The following RUFY2 variants were observed in gnomAD, a reference collection of about 807,000 sequenced individuals.
RUFY2 encodes RUN and FYVE domain-containing protein 2.
A neutral mutation model predicts 94.4 loss-of-function variants in RUFY2; 49 were observed. That is an observed-to-expected ratio of 0.52 (90% CI 0.41 to 0.66). The LOEUF is 0.66. Ranked by LOEUF, RUFY2 falls within the 30% of genes least tolerant of loss-of-function variation. RUFY2 has a pLI of 0.00. For synonymous variants in RUFY2, 255 were observed against 235.7 expected (o/e 1.08, Z -0.75); for missense variants, 541 against 692.8 (o/e 0.78, Z 2.46).
intron 13 of RUFY2, among the ~76,000 whole-genome samples, chr10:68,374,783 ATTG>A (rs1230909470): frequency 6.6e-6 from 1 of 151,874 alleles, no homozygotes; most frequent in Non-Finnish European, 1.5e-5. Flanking sequence ...GTTTGTTCTT[ATTG>A]TTGTTTTCTT....
intron 4 of RUFY2, among the ~76,000 whole-genome samples, 192 bp downstream of exon 4, chr10:68,396,588 T>C (rs1037979204): frequency 7.2e-5 from 11 of 152,202 alleles, no homozygotes; most frequent in South Asian, 4.1e-4. Context: ...CTTATGGTAT[T>C]CATATGTAAG....
chr10:68,341,958 C>T, downstream of RUFY2: 1 of 1,612,356 alleles, frequency 6.2e-7, no homozygotes, highest in South Asian at 1.1e-5. Flanking sequence ...CTGAGTGATT[C>T]TTAATATCTT....
intron 3 of RUFY2, among the ~76,000 whole-genome samples, chr10:68,398,515 A>G (rs1484872035): frequency 6.6e-6 from 1 of 152,004 alleles, no homozygotes; most frequent in Non-Finnish European, 1.5e-5. Flanking sequence ...AGCCAGGCAC[A>G]GTGGCATGAG....
chr10:68,400,713 A>G lies in RUFY2; in HGVS notation c.296+907T>C, dbSNP rs1156535121. Among the ~76,000 whole-genome samples the G allele has an allele frequency of 2.8e-5, 3 of 105,868 alleles. No individual in the cohort carries two copies. In the Admixed American group the frequency reaches 3.3e-4, roughly 12 times the overall value. The allele number at this position is 105,868 out of a possible 152,430, so 69.5% of individuals were successfully genotyped here. On this transcript the variant is annotated intron_variant, in intron 3 of 17. Transcript: ENST00000602465. ...GAAAATAAAAATTAAAAAGAAAACTAAAAAAAAAAAGAATATAGGCTTGGC... is the reference window on the plus strand; with the variant it reads ...GAAAATAAAAATTAAAAAGAAAACTGAAAAAAAAAAGAATATAGGCTTGGC...
Position 68,345,777 on chromosome 10 carries a change from G to C in RUFY2, c.1812C>G (p.Asn604Lys). 1.2e-6 allele frequency: 2 copies of C among 1,612,558 alleles called. No individual in the cohort carries two copies. The highest frequency in any genetic ancestry group is 1.7e-6 in the Non-Finnish European group (2 of 1,179,216). Residue 604 changes from asparagine (N) to lysine (K), a missense_variant, in exon 18 of 18, where the codon AAC becomes AAG. Around this residue, in one of 3 missense-constraint regions of RUFY2, gnomAD observed 403 missense variants for 480.7 expected, o/e 0.84. Coordinates refer to ENST00000602465, the MANE Select transcript of RUFY2 (RefSeq NM_001330103.2). The stretch of plus-strand genomic sequence containing the variant: ...ATTTAGTTCTGGAGTCTCAGGGCAA[G>C]TTAGATGAGCATCTCTGAATGAGCA... ...HALLIQRCSSNLP is the reference protein window; with the variant it reads ...HALLIQRCSSKLP
chr10:68,400,170 G>T (rs1341070863), intron 3 of RUFY2, among the ~76,000 whole-genome samples: 1 of 152,066 alleles, frequency 6.6e-6, no homozygotes, highest in Non-Finnish European at 1.5e-5. Context: ...AAATTAGCCA[G>T]GTATGGATGG....
downstream of RUFY2, chr10:68,343,268 T>C (rs2046078149): frequency 6.6e-6 from 1 of 152,248 alleles, no homozygotes. Context: ...TGGTACTACA[T>C]ACGATGTCTA....
chr10:68,370,159 C>A (rs1278103055), intron 13 of RUFY2, among the ~76,000 whole-genome samples: 10 of 152,008 alleles, frequency 6.6e-5, no homozygotes. Context: ...GTGGTAAGTG[C>A]CTGTAATCCC....
chr10:68,386,003 T>A, intron 8 of RUFY2, 56 bp downstream of exon 8: 2 of 1,182,542 alleles, frequency 1.7e-6, no homozygotes, highest in Non-Finnish European at 2.5e-6. Context: ...ATACTTAAAA[T>A]GGAAAAGGAT....
At chr10:68,356,738 C>T (rs936923223) in intron 15 of RUFY2, among the ~76,000 whole-genome samples, 3 of 151,454 alleles carry the variant, frequency 2.0e-5, no homozygotes, top group Admixed American at 6.6e-5. Flanking sequence ...TAGTAGAGAC[C>T]GGGTTTCACC....
intron 8 of RUFY2, among the ~76,000 whole-genome samples, chr10:68,384,685 T>C (rs1024331838): frequency 1.3e-5 from 2 of 152,076 alleles, no homozygotes; most frequent in Non-Finnish European, 2.9e-5. Flanking sequence ...TCACCATGAG[T>C]TAAACATGAA....
chr10:68,394,568 TAGGTGCC>T lies in RUFY2; in HGVS notation c.399-124_399-118del, dbSNP rs2050238383. The stretch of plus-strand genomic sequence containing the variant: ...TTACAGAAATGGAAGCCATCTCAGT[TAGGTGCC>T]TTCAAATTAGCCTTTATACGTGTGA... On this transcript the variant is annotated intron_variant, in intron 4 of 17. Transcript: ENST00000602465. 6 of 630,890 alleles carry T rather than the reference TAGGTGCC, an allele frequency of 9.5e-6. No homozygotes were observed. The South Asian group carries it at 1.1e-4, about 12-fold the overall frequency. 39.1% of individuals were successfully genotyped at this position (630,890 alleles called of 1,614,324 possible).
intron 12 of RUFY2, chr10:68,379,194 G>T: frequency 2.5e-6 from 1 of 401,286 alleles, no homozygotes; most frequent in Non-Finnish European, 4.4e-6. Flanking sequence ...GCTGATATTA[G>T]GCCTCTAAGA....
At chr10:68,346,371 G>A (rs1298124166) in intron 16 of RUFY2, 6 of 294,918 alleles carry the variant, frequency 2.0e-5, no homozygotes, top group Non-Finnish European at 3.8e-5. Context: ...TGAGAGGATC[G>A]CCTGAGGCCT....
At chr10:68,394,048 A>G (rs1307529527) in intron 6 of RUFY2, 27 bp downstream of exon 6, 1 of 1,490,396 alleles carries the variant, frequency 6.7e-7, no homozygotes. Flanking sequence ...AAAACCCAAT[A>G]TGTGAAATAA....
chr10:68,345,820 C>A lies in RUFY2; in HGVS notation c.1769G>T (p.Cys590Phe). Residue 590 changes from cysteine (C) to phenylalanine (F), a missense_variant, in exon 18 of 18, where the codon TGT becomes TTT. Physicochemically the swap from Cys to Phe is radical, Grantham distance 205. Transcript: ENST00000602465. ...AATGAGCAGTGCATGACAGGAATCA[C>A]AAACCCGTACTGGTTTTGGTGAAGA... The part of the protein sequence containing the change: ...LPSSPKPVRV[C>F]DSCHALLIQR... 6.2e-7 allele frequency: 1 copy of A among 1,614,068 alleles called. No individual in the cohort carries two copies. The highest frequency in any genetic ancestry group is 8.5e-7 in the Non-Finnish European group (1 of 1,179,938).
intron 12 of RUFY2, chr10:68,378,389 A>G (rs1273810078): frequency 3.5e-5 from 43 of 1,235,028 alleles, no homozygotes; most frequent in Non-Finnish European, 4.1e-5. Flanking sequence ...TGGAAATCCA[A>G]GTGCACCCAC....
At chr10:68,398,412 G>A (rs375357446) in intron 3 of RUFY2, among the ~76,000 whole-genome samples, 62 of 152,272 alleles carry the variant, frequency 4.1e-4, no homozygotes, top group African/African-American at 1.5e-3. Context: ...AGCACTTTGG[G>A]AGGCCAAGGC....
chr10:68,366,764 TTAA>T (rs2047863011), intron 13 of RUFY2, among the ~76,000 whole-genome samples: 3 of 123,414 alleles, frequency 2.4e-5, no homozygotes, highest in Admixed American at 1.0e-4. Flanking sequence ...ATATATAATA[TTAA>T]ATATATTAAA....
Sources: allele counts gnomAD v4.1 joint callset (sites outside exome capture counted in the v4.1 genomes callset), GRCh38; gene constraint gnomAD v4.1.1; regional missense constraint gnomAD v4.1.1; transcripts MANE v1.5; gene names NCBI Gene and HGNC (gene_info 2026-07-23, HGNC 2026-07-21).